COX7B2: variants seen among roughly 807,000 people sequenced by gnomAD.
The protein encoded by COX7B2 is cytochrome c oxidase subunit 7B2.
For missense variants in COX7B2, 109 were observed against 95.9 expected, an observed-to-expected ratio of 1.14 and a Z score of -0.57; for synonymous variants, 37 against 32.1, an observed-to-expected ratio of 1.15 and a Z score of -0.51.
intron 2 of COX7B2, among the ~76,000 whole-genome samples, chr4:46,797,102 A>T (rs1203219152): frequency 1.2e-5 from 1 of 82,372 alleles, no homozygotes; most frequent in Non-Finnish European, 3.1e-5. Flanking sequence ...TAAAAAAAAA[A>T]AAAAAAAAAA....
chr4:46,851,503 C>T (rs1165265185), intron 1 of COX7B2, among the ~76,000 whole-genome samples: 3 of 152,010 alleles, frequency 2.0e-5, no homozygotes, highest in Admixed American at 6.6e-5. Context: ...TAACAACTTA[C>T]ATAACAAAAG....
intron 2 of COX7B2, among the ~76,000 whole-genome samples, chr4:46,817,356 T>A (rs1294209493): frequency 6.6e-6 from 1 of 152,194 alleles, no homozygotes; most frequent in East Asian, 1.9e-4. Flanking sequence ...ATGAAGACAT[T>A]GAGGTTTTCA....
At chr4:46,861,230 GT>G (rs1202386121) in intron 1 of COX7B2, among the ~76,000 whole-genome samples, 2 of 152,002 alleles carry the variant, frequency 1.3e-5, no homozygotes, top group African/African-American at 4.8e-5. Context: ...GTCATATTCT[GT>G]TTGCTGGTGA....
At chr4:46,866,106 G>A (rs1472960356) in intron 1 of COX7B2, among the ~76,000 whole-genome samples, 2 of 152,200 alleles carry the variant, frequency 1.3e-5, no homozygotes. Flanking sequence ...TCCCAAGGCT[G>A]CACTAAAATA....
At chr4:46,837,364 CA>C (rs1250565632) in intron 2 of COX7B2, among the ~76,000 whole-genome samples, 1 of 151,128 alleles carries the variant, frequency 6.6e-6, no homozygotes, top group Non-Finnish European at 1.5e-5. Context: ...ATACACACTA[CA>C]ACATGGATAA....
At chr4:46,847,105 A>G (rs1246726454) in intron 1 of COX7B2, among the ~76,000 whole-genome samples, 1 of 152,060 alleles carries the variant, frequency 6.6e-6, no homozygotes, top group African/African-American at 2.4e-5. Context: ...GAGTGCAGAT[A>G]GAGGGGAGAG....
intron 1 of COX7B2, among the ~76,000 whole-genome samples, chr4:46,864,282 G>A (rs1334503453): frequency 1.3e-5 from 2 of 152,078 alleles, no homozygotes; most frequent in East Asian, 3.9e-4. Flanking sequence ...TTTCTTATGA[G>A]CCCCCCAGGT....
intron 2 of COX7B2, among the ~76,000 whole-genome samples, chr4:46,762,465 A>ATATACTATATATACTATATAT (rs1560362376): frequency 1.6e-5 from 2 of 125,686 alleles, no homozygotes; most frequent in Non-Finnish European, 3.3e-5. Flanking sequence ...TATATAGTAT[A>ATATACTATATATACTATATAT]TGTACTATAT....
At chr4:46,892,895 C>G (rs990664424) in intron 1 of COX7B2, among the ~76,000 whole-genome samples, 2 of 152,178 alleles carry the variant, frequency 1.3e-5, no homozygotes, top group African/African-American at 2.4e-5. Flanking sequence ...CCATGCTATT[C>G]TCATGATAGT....
chr4:46,764,598 A>C (rs1397936980), intron 2 of COX7B2, among the ~76,000 whole-genome samples: 1 of 151,500 alleles, frequency 6.6e-6, no homozygotes, highest in East Asian at 1.9e-4. Flanking sequence ...TGAAATGTAC[A>C]CATTTATTGA....
chr4:46,799,541 G>C (rs1012735458), intron 2 of COX7B2, among the ~76,000 whole-genome samples: 1 of 152,146 alleles, frequency 6.6e-6, no homozygotes, highest in Admixed American at 6.5e-5. Context: ...TCAATAACTA[G>C]TTTGTTGAGA....
chr4:46,799,866 A>G (rs1560388413), intron 2 of COX7B2, among the ~76,000 whole-genome samples: 1 of 152,152 alleles, frequency 6.6e-6, no homozygotes, highest in Non-Finnish European at 1.5e-5. Flanking sequence ...GCTTCATAAA[A>G]TAAGTTAGGG....
chr4:46,797,055 CA>C (rs1718392532), intron 2 of COX7B2, among the ~76,000 whole-genome samples: 1 of 91,822 alleles, frequency 1.1e-5, no homozygotes, highest in Non-Finnish European at 1.9e-5. Flanking sequence ...AACTAACCTG[CA>C]CAATGTGCAC....
rs546193418 is a variant in COX7B2, at chr4:46,832,037, A to G, written c.-50+12923T>C. Among the ~76,000 whole-genome samples the G allele has an allele frequency of 2.6e-5, 4 of 152,326 alleles. No individual in the cohort carries two copies. The South Asian group carries it at 8.3e-4, about 32-fold the overall frequency. ...AACAGACCAATCAGCTCTCTGTAAA[A>G]TGGACCAATCAGCAGGATGTGGGTG... On this transcript the variant is annotated intron_variant, in intron 2 of 2. Transcript: ENST00000355591.
chr4:46,878,402 A>G (rs756440185), intron 1 of COX7B2, among the ~76,000 whole-genome samples: 1 of 151,362 alleles, frequency 6.6e-6, no homozygotes, highest in Non-Finnish European at 1.5e-5. Flanking sequence ...AGGTGCTCTT[A>G]CCATAAAAAA....
At chr4:46,778,037 C>A (rs770545699) in intron 2 of COX7B2, among the ~76,000 whole-genome samples, 6 of 152,032 alleles carry the variant, frequency 3.9e-5, no homozygotes, top group Non-Finnish European at 1.5e-5. Context: ...ATTATTATCA[C>A]TACCAGCTCA....
chr4:46,878,486 T>TAA (rs1430539553), intron 1 of COX7B2, among the ~76,000 whole-genome samples: 1 of 85,542 alleles, frequency 1.2e-5, no homozygotes, highest in Admixed American at 1.0e-4. Flanking sequence ...AGCACTATTA[T>TAA]ATATATATAT....
chr4:46,800,709 T>C (rs1465893603), intron 2 of COX7B2, among the ~76,000 whole-genome samples: 5 of 152,074 alleles, frequency 3.3e-5, no homozygotes, highest in Non-Finnish European at 4.4e-5. Context: ...GATTTCATGA[T>C]GAAGACTTAA....
intron 2 of COX7B2, among the ~76,000 whole-genome samples, chr4:46,778,192 T>C (rs1019917412): frequency 6.6e-6 from 1 of 152,068 alleles, no homozygotes; most frequent in Non-Finnish European, 1.5e-5. Context: ...TGATAAGAAC[T>C]TTGAAAATTT....
Sources: allele counts gnomAD v4.1 joint callset (sites outside exome capture counted in the v4.1 genomes callset), GRCh38; gene constraint gnomAD v4.1.1; transcripts MANE v1.5; gene names NCBI Gene and HGNC (gene_info 2026-07-23, HGNC 2026-07-21).